MYO19: variants seen among roughly 807,000 people sequenced by gnomAD.
MYO19 encodes the protein unconventional myosin-XIX.
MYO19 carries 132 observed loss-of-function variants against 129.2 expected under a neutral mutation model. That is an observed-to-expected ratio of 1.02 (90% CI 0.89 to 1.18). The LOEUF (loss-of-function observed/expected upper bound fraction) is 1.18, where lower values mean the gene tolerates loss of function less well. Ranked by LOEUF, MYO19 falls within the 50% of genes most tolerant of loss-of-function variation. MYO19 has a pLI of 0.00. For synonymous variants in MYO19, 531 were observed against 477.2 expected (o/e 1.11, Z -1.47); for missense variants, 1,210 against 1,216.7 (o/e 0.99, Z 0.08).
intron 5 of MYO19, 99 bp from the exon 6 acceptor site, chr17:36,525,440 T>C (rs1357423716): frequency 2.3e-6 from 2 of 878,884 alleles, no homozygotes; most frequent in African/African-American, 3.3e-5. Flanking sequence ...CCAATAGCAG[T>C]GGTGGGATGC....
chr17:36,516,420 G>C (rs923337219), intron 6 of MYO19, among the ~76,000 whole-genome samples: 1 of 151,580 alleles, frequency 6.6e-6, no homozygotes, highest in African/African-American at 2.4e-5. Context: ...TCCCAGGCTG[G>C]AGTGCAATGG....
At chr17:36,542,755 A>T (rs975495481) in intron 1 of MYO19, among the ~76,000 whole-genome samples, 1 of 151,226 alleles carries the variant, frequency 6.6e-6, no homozygotes, top group African/African-American at 2.4e-5. Flanking sequence ...CTGTAGGAGC[A>T]CCTCTAGATA....
chr17:36,528,291 A>C, intron 3 of MYO19, 89 bp from the exon 4 acceptor site: 3 of 1,380,872 alleles, frequency 2.2e-6, no homozygotes, highest in East Asian at 2.5e-5. Flanking sequence ...GGCAGGACAC[A>C]AAGTGAGGAG....
chr17:36,501,023 G>A, intron 22 of MYO19, 46 bp downstream of exon 22: 1 of 1,603,238 alleles, frequency 6.2e-7, no homozygotes, highest in South Asian at 1.1e-5. Flanking sequence ...GCTGAGGAGA[G>A]CACACAGCTT....
Position 36,503,128 on chromosome 17 carries a change from G to A in MYO19, c.2049C>T (p.Pro683=), listed in dbSNP as rs544430313. ...RRLHPCTSSG[P]DSPYPAKGLP... is the part of the protein sequence containing the mutation. ...GCCCTTTGGCAGGATATGGGCTGTC[G>A]GGGCCAGAGGATGTGCAAGGATGAA... Residue 683 remains proline, a synonymous_variant, in exon 21 of 26, where the codon CCC becomes CCT. Transcript: ENST00000614623. 22 of 1,613,162 alleles carry A rather than the reference G, an allele frequency of 1.4e-5. No homozygotes were observed. The highest frequency in any genetic ancestry group is 6.7e-5 in the Admixed American group (4 of 60,008).
chr17:36,526,880 C>T (rs1210040442), intron 5 of MYO19, among the ~76,000 whole-genome samples: 1 of 152,016 alleles, frequency 6.6e-6, no homozygotes, highest in Non-Finnish European at 1.5e-5. Flanking sequence ...GGGAGAGACT[C>T]AGTCTCAAAA....
chr17:36,507,309 G>T, intron 16 of MYO19, 90 bp downstream of exon 16: 1 of 1,424,552 alleles, frequency 7.0e-7, no homozygotes, highest in Non-Finnish European at 9.8e-7. Flanking sequence ...TGGGAGGAGA[G>T]AGGCACAGAG....
At chr17:36,505,752 T>C (rs1308600354) in intron 18 of MYO19, among the ~76,000 whole-genome samples, 1 of 152,200 alleles carries the variant, frequency 6.6e-6, no homozygotes, top group African/African-American at 2.4e-5. Flanking sequence ...TTGCCATTCG[T>C]CCAGCAACAA....
At chr17:36,504,999 A>G in intron 19 of MYO19, 1 of 562,066 alleles carries the variant, frequency 1.8e-6, no homozygotes, top group South Asian at 1.7e-5. Flanking sequence ...GTAGACTTTC[A>G]GCTAATCACG....
chr17:36,515,423 C>T (rs2072677697), intron 7 of MYO19, among the ~76,000 whole-genome samples: 1 of 152,132 alleles, frequency 6.6e-6, no homozygotes, highest in South Asian at 2.1e-4. Context: ...CCTAGGCAGT[C>T]AGGGACCTTT....
At position 36,532,700 on chromosome 17, in the gene MYO19, G is replaced by A. The variant is rs575144114; in HGVS notation, c.-143-19C>T. The A allele has an allele frequency of 5.7e-5, 47 of 825,770 alleles. No homozygotes were observed. In the East Asian group the frequency reaches 1.2e-3, roughly 21 times the overall value. The allele number at this position is 825,770 out of a possible 1,614,324, so 51.2% of individuals were successfully genotyped here. A position where few individuals can be genotyped will look rare whatever the true frequency, so the allele number is the denominator to read the frequency against. On this transcript the variant is annotated intron_variant, in intron 2 of 25. Coordinates refer to ENST00000614623, the MANE Select transcript of MYO19 (RefSeq NM_001163735.2). ...CCAGCGCCTGTGGCATGAGAGAGAA[G>A]ACAAGGACCACACACAGGTGAGGGC...
chr17:36,505,350 G>C lies in MYO19; in HGVS notation c.1852C>G (p.Arg618Gly), dbSNP rs764201277. ...VLHSTTPHYI[R>G]CIKPNSQGQA... ...CCCTGGCTGTTGGGCTTGATGCAGC[G>C]AATGTAGTGGGGCGTGGTGCTGTGT... Residue 618 changes from arginine to glycine, a missense_variant, in exon 19 of 26, where the codon CGC becomes GGC. By Grantham distance (125) the Arg-to-Gly change is moderately radical (BLOSUM62 -2). Transcript: ENST00000614623. 2 of 1,614,226 alleles carry C rather than the reference G, an allele frequency of 1.2e-6. No homozygotes were observed. Among genetic ancestry groups the C allele is most frequent in the South Asian group, 1.1e-5 (1 of 91,086 alleles).
intron 12 of MYO19, 88 bp from the exon 13 acceptor site, chr17:36,511,005 A>C (rs1404739995): frequency 7.1e-7 from 1 of 1,406,364 alleles, no homozygotes; most frequent in East Asian, 2.5e-5. Flanking sequence ...CGGGACCATG[A>C]CTTGCCCAAC....
At chr17:36,532,796 G>C in intron 2 of MYO19, 115 bp from the exon 3 acceptor site, 1 of 581,350 alleles carries the variant, frequency 1.7e-6, no homozygotes, top group East Asian at 2.9e-5. Context: ...AGGCAGGCCT[G>C]GGCGGAGAGT....
chr17:36,525,027 G>A (rs2142320861), intron 6 of MYO19, among the ~76,000 whole-genome samples: 1 of 152,310 alleles, frequency 6.6e-6, no homozygotes, highest in Middle Eastern at 3.4e-3. Context: ...AGAGCTTGCA[G>A]TAGAGCCTGG....
intron 7 of MYO19, 43 bp downstream of exon 7, chr17:36,515,815 A>G (rs752695221): frequency 1.3e-6 from 2 of 1,575,030 alleles, no homozygotes; most frequent in Non-Finnish European, 1.7e-6. Flanking sequence ...AAAATCCCAG[A>G]GGAAATGGGA....
chr17:36,507,591 G>T, intron 15 of MYO19, 79 bp from the exon 16 acceptor site: 1 of 1,440,260 alleles, frequency 6.9e-7, no homozygotes, highest in Non-Finnish European at 9.7e-7. Context: ...GCTGGCCTCG[G>T]TACCACAGCG....
At chr17:36,501,045 C>A in intron 22 of MYO19, 24 bp downstream of exon 22, 1 of 1,603,760 alleles carries the variant, frequency 6.2e-7, no homozygotes, top group Non-Finnish European at 8.5e-7. Flanking sequence ...CCTCTGTAAC[C>A]TCCTCATCCC....
At chr17:36,538,585 A>G, upstream of MYO19, 1 of 1,612,078 alleles carries the variant, frequency 6.2e-7, no homozygotes, top group East Asian at 2.2e-5. Context: ...TATGTACTAT[A>G]TTTGCAAGAT....
Sources: allele counts gnomAD v4.1 joint callset (sites outside exome capture counted in the v4.1 genomes callset), GRCh38; gene constraint gnomAD v4.1.1; transcripts MANE v1.5; gene names NCBI Gene and HGNC (gene_info 2026-07-23, HGNC 2026-07-21).